The following MYO3A variants were observed in gnomAD, a reference collection of about 807,000 sequenced individuals.
The protein encoded by MYO3A is myosin-IIIa.
Under a neutral mutation model 192.7 loss-of-function variants are expected in MYO3A, and 180 were observed. That is an observed-to-expected ratio of 0.93 (90% CI 0.83 to 1.06). The LOEUF is 1.06. MYO3A is among the 50% of genes least tolerant of loss of function. MYO3A has a pLI of 0.00. For synonymous variants in MYO3A, 628 were observed against 645.3 expected, an observed-to-expected ratio of 0.97 and a Z score of 0.41; for missense variants, 1,896 against 1,905.0, an observed-to-expected ratio of 1.00 and a Z score of 0.09.
At position 26,145,557 on chromosome 10, in the gene MYO3A, A is replaced by G. The variant is rs377590278; in HGVS notation, c.2505+23A>G. ...AAGGTAAGAACTCTAAAGAATTATGACTGAGTTTCTCCTTAGCCTTTTAAT... is the reference window on the plus strand; with the variant it reads ...AAGGTAAGAACTCTAAAGAATTATGGCTGAGTTTCTCCTTAGCCTTTTAAT... On this transcript the variant is annotated intron_variant, in intron 22 of 34. Transcript: ENST00000642920. The G allele has an allele frequency of 3.3e-6, 5 of 1,503,440 alleles. No individual in the cohort carries two copies. The African/African-American group carries it at 6.9e-5, about 21-fold the overall frequency. 93.1% of individuals were successfully genotyped at this position (1,503,440 alleles called of 1,614,324 possible). A position where few individuals can be genotyped will look rare whatever the true frequency, so the allele number is the denominator to read the frequency against.
chr10:26,028,114 T>C (rs181485101), intron 10 of MYO3A, among the ~76,000 whole-genome samples: 6 of 152,362 alleles, frequency 3.9e-5, no homozygotes, highest in African/African-American at 1.2e-4. Flanking sequence ...ATGCCTACTA[T>C]GTGCCAGATT....
At chr10:25,955,891 T>C (rs1384505831) in intron 4 of MYO3A, among the ~76,000 whole-genome samples, 1 of 152,202 alleles carries the variant, frequency 6.6e-6, no homozygotes, top group East Asian at 1.9e-4. Flanking sequence ...CTTAGTCTGT[T>C]TGTGCTGCTA....
rs550749023 is a variant in MYO3A at position 26,176,347 on chromosome 10, G to A, written c.4294-354G>A. Among the ~76,000 whole-genome samples the A allele has an allele frequency of 1.2e-4, 19 of 152,234 alleles. No homozygotes were observed. In the East Asian group the frequency reaches 2.5e-3, roughly 20 times the overall value. On this transcript the variant is annotated intron_variant, in intron 30 of 34. Coordinates refer to ENST00000642920, the MANE Select transcript of MYO3A (RefSeq NM_017433.5). ...AGGAAGGAGGTTTACACAATCAAAG[G>A]CAGCAGAGGGGTCCTCAGGACAGAA... is the stretch of plus-strand genomic sequence containing the variant.
intron 3 of MYO3A, 27 bp from the exon 4 acceptor site, chr10:25,954,847 T>A: frequency 6.2e-7 from 1 of 1,605,298 alleles, no homozygotes; most frequent in Non-Finnish European, 8.5e-7. Context: ...TTCTCACAGT[T>A]CTATTCTTAT....
At chr10:26,147,881 A>G (rs1392299175) in intron 23 of MYO3A, among the ~76,000 whole-genome samples, 1 of 152,060 alleles carries the variant, frequency 6.6e-6, no homozygotes, top group Non-Finnish European at 1.5e-5. Context: ...CAGCTTTTGG[A>G]TGATTCTTTG....
intron 31 of MYO3A, among the ~76,000 whole-genome samples, chr10:26,181,428 A>G (rs1842612772): frequency 6.6e-6 from 1 of 152,206 alleles, no homozygotes. Context: ...AAAGTTAAAG[A>G]GCTGAAGACA....
At chr10:26,029,704 CT>C (rs574543083) in intron 10 of MYO3A, among the ~76,000 whole-genome samples, 138 of 152,118 alleles carry the variant, frequency 9.1e-4, no homozygotes, top group African/African-American at 3.3e-3. Context: ...TGTAATTCCG[CT>C]TTTTTTCTCT....
chr10:26,114,195 G>A (rs1008597872), intron 17 of MYO3A, among the ~76,000 whole-genome samples: 6 of 152,136 alleles, frequency 3.9e-5, no homozygotes, highest in African/African-American at 1.4e-4. Flanking sequence ...AGATCTGCCA[G>A]GGATGGGCCA....
intron 1 of MYO3A, among the ~76,000 whole-genome samples, 152 bp downstream of exon 1, chr10:25,934,480 C>T (rs1412155968): frequency 1.3e-5 from 2 of 152,000 alleles, no homozygotes; most frequent in Non-Finnish European, 2.9e-5. Flanking sequence ...GACCGCCCGC[C>T]CGCCCAGGTC....
chr10:26,149,164 C>A, intron 23 of MYO3A, among the ~76,000 whole-genome samples: 1 of 147,294 alleles, frequency 6.8e-6, no homozygotes, highest in African/African-American at 2.5e-5. Context: ...GGAGAAGTTA[C>A]TTTTTTTTTT....
At chr10:26,127,345 G>A (rs1188539497) in intron 19 of MYO3A, among the ~76,000 whole-genome samples, 1 of 152,090 alleles carries the variant, frequency 6.6e-6, no homozygotes, top group African/African-American at 2.4e-5. Flanking sequence ...GTGGGATCCT[G>A]TGGGGCAAAG....
At chr10:26,143,690 G>A in intron 21 of MYO3A, 89 bp downstream of exon 21, 1 of 1,488,792 alleles carries the variant, frequency 6.7e-7, no homozygotes. Flanking sequence ...AAATTATCTG[G>A]AAGAAAATAG....
intron 27 of MYO3A, among the ~76,000 whole-genome samples, chr10:26,168,049 A>G (rs1193979267): frequency 1.3e-5 from 2 of 152,212 alleles, no homozygotes; most frequent in Non-Finnish European, 2.9e-5. Flanking sequence ...CCTTGCTCCA[A>G]TTGATGTTGA....
chr10:26,108,607 T>C (rs1837972666), intron 17 of MYO3A, among the ~76,000 whole-genome samples: 1 of 152,182 alleles, frequency 6.6e-6, no homozygotes, highest in Admixed American at 6.5e-5. Flanking sequence ...ATAACTTTAG[T>C]TCCATGATCA....
intron 4 of MYO3A, among the ~76,000 whole-genome samples, chr10:25,980,054 G>A (rs1281507168): frequency 6.6e-6 from 1 of 152,116 alleles, no homozygotes; most frequent in Non-Finnish European, 1.5e-5. Flanking sequence ...GGATAACACG[G>A]TGAAACCCCT....
At chr10:25,997,091 A>G in intron 5 of MYO3A, 68 bp from the exon 6 acceptor site, 6 of 1,188,430 alleles carry the variant, frequency 5.0e-6, no homozygotes, top group Non-Finnish European at 5.0e-6. Context: ...TTGTACAGGT[A>G]CATCATCTGA....
At chr10:26,017,130 A>G (rs978318454) in intron 7 of MYO3A, among the ~76,000 whole-genome samples, 2 of 152,220 alleles carry the variant, frequency 1.3e-5, no homozygotes, top group African/African-American at 4.8e-5. Context: ...AGATGATGTA[A>G]AGAGAAACTA....
At position 26,138,336 on chromosome 10, in the gene MYO3A, C is replaced by T. The variant is rs117300153; in HGVS notation, c.2263-5112C>T. ...TTGAAATATTGGGGGCAGGTTCCCCCGATAGTTCACCATTATTCTAGTCCA... is the reference window on the plus strand; with the variant it reads ...TTGAAATATTGGGGGCAGGTTCCCCTGATAGTTCACCATTATTCTAGTCCA... On this transcript the variant is annotated intron_variant, in intron 20 of 34. Coordinates refer to ENST00000642920, the MANE Select transcript of MYO3A (RefSeq NM_017433.5). Among the ~76,000 whole-genome samples, 377 of 152,256 alleles carry T rather than the reference C, an allele frequency of 2.5e-3. 2 individuals are homozygous for T. The highest frequency in any genetic ancestry group is 3.7e-3 in the Non-Finnish European group (255 of 68,004).
intron 4 of MYO3A, among the ~76,000 whole-genome samples, chr10:25,971,634 A>G (rs1429117684): frequency 6.6e-6 from 1 of 151,956 alleles, no homozygotes; most frequent in African/African-American, 2.4e-5. Flanking sequence ...TTAGTAAGGT[A>G]TTTTTTCCTT....
Sources: gnomAD v4.1 joint callset for allele counts (sites outside exome capture counted in the v4.1 genomes callset) on GRCh38, gnomAD v4.1.1 for gene constraint, MANE v1.5 for transcripts, NCBI Gene and HGNC (gene_info 2026-07-23, HGNC 2026-07-21) for gene names.